TECRL: variants seen among roughly 807,000 people sequenced by gnomAD.
TECRL encodes the protein trans-2,3-enoyl-CoA reductase-like.
In TECRL, 63 loss-of-function variants were observed where a neutral mutation model predicts 52.8. The observed-to-expected ratio is 1.19, with a 90% CI of 0.97 to 1.47. The LOEUF is 1.47. Ranked by LOEUF, TECRL falls within the 40% of genes most tolerant of loss-of-function variation. TECRL has a pLI of 0.00. For synonymous variants in TECRL, 164 were observed against 141.9 expected (o/e 1.16, Z -1.10); for missense variants, 482 against 429.6 (o/e 1.12, Z -1.08).
chr4:64,388,126 TGTTTATAGTTTTAGTGTA>T (rs1419057629), intron 1 of TECRL, among the ~76,000 whole-genome samples: 22 of 151,852 alleles, frequency 1.4e-4, no homozygotes, highest in Non-Finnish European at 2.8e-4. Flanking sequence ...TCTATAGTTT[TGTTTATAGTTTTAGTGTA>T]GTTTATAGTT....
At chr4:64,399,384 A>G (rs1003102354) in intron 1 of TECRL, among the ~76,000 whole-genome samples, 1 of 152,238 alleles carries the variant, frequency 6.6e-6, no homozygotes, top group Admixed American at 6.5e-5. Context: ...GCCACACGGC[A>G]TAGAAAAAAA....
At position 64,381,101 on chromosome 4, in the gene TECRL, A is replaced by T. The variant is rs984037838; in HGVS notation, c.235-5878T>A. On this transcript the variant is annotated intron_variant, in intron 1 of 11. Transcript: ENST00000381210. ...ATCAGAGTTTTGCAGTTTTCCTTGT[A>T]AAGTTCTTTCCCCTTCCTGGTTAAA... 2.6e-5 allele frequency among the ~76,000 whole-genome samples: 4 copies of T among 152,014 alleles called. No individual in the cohort carries two copies. The East Asian group carries it at 7.7e-4, about 29-fold the overall frequency.
intron 1 of TECRL, among the ~76,000 whole-genome samples, chr4:64,383,200 T>C (rs1393328708): frequency 6.6e-6 from 1 of 152,182 alleles, no homozygotes; most frequent in Non-Finnish European, 1.5e-5. Flanking sequence ...TTTAGTATTC[T>C]CTCTGTCTTT....
At chr4:64,285,411 T>C (rs551125071) in intron 9 of TECRL, among the ~76,000 whole-genome samples, 3 of 152,240 alleles carry the variant, frequency 2.0e-5, no homozygotes, top group South Asian at 4.1e-4. Context: ...ACTTCTTTTA[T>C]ACAAATTTCT....
chr4:64,363,207 T>C (rs11131528), intron 2 of TECRL, among the ~76,000 whole-genome samples: 134,783 of 152,076 alleles, frequency 0.89, 60,690 homozygotes, highest in East Asian at 1. Flanking sequence ...TAGAGGTTTA[T>C]GAAGAGACTT....
intron 1 of TECRL, among the ~76,000 whole-genome samples, chr4:64,382,707 GGTT>G (rs1466713445): frequency 6.6e-6 from 1 of 151,784 alleles, no homozygotes; most frequent in African/African-American, 2.4e-5. Context: ...TTATATTGTA[GGTT>G]GTTATTTATA....
At chr4:64,317,138 C>T (rs377140069) in intron 4 of TECRL, among the ~76,000 whole-genome samples, 7 of 151,884 alleles carry the variant, frequency 4.6e-5, no homozygotes, top group East Asian at 1.9e-4. Context: ...ATTAGCCGGG[C>T]GTGGTGGCAG....
At chr4:64,325,173 C>T (rs1258235027) in intron 3 of TECRL, among the ~76,000 whole-genome samples, 1 of 152,120 alleles carries the variant, frequency 6.6e-6, no homozygotes, top group African/African-American at 2.4e-5. Flanking sequence ...AAGTGACAGC[C>T]AGCAAGAACA....
chr4:64,314,593 GTGTGTGT>G lies in TECRL; in HGVS notation c.551+48_551+54del, dbSNP rs1560492132. 49,138 of 263,114 alleles carry G rather than the reference GTGTGTGT, an allele frequency of 0.19. 2,470 individuals are homozygous for G. Among genetic ancestry groups the G allele is most frequent in the Non-Finnish European group, 0.2 (33,540 of 164,584 alleles). The allele number at this position is 263,114 out of a possible 1,614,324, so 16.3% of individuals were successfully genotyped here. ...TCATCCCCTCCTTAACGTGTATGGT[GTGTGTGT>G]GTGTGTGTGTGTGTGTGTGTGTGTG... On this transcript the variant is annotated intron_variant, in intron 5 of 11. Transcript: ENST00000381210.
At chr4:64,385,886 C>G (rs1008334889) in intron 1 of TECRL, among the ~76,000 whole-genome samples, 1 of 152,100 alleles carries the variant, frequency 6.6e-6, no homozygotes, top group Non-Finnish European at 1.5e-5. Context: ...GAAACTCTTG[C>G]TTACCTTTTC....
intron 4 of TECRL, among the ~76,000 whole-genome samples, chr4:64,319,084 G>A (rs1309037100): frequency 1.3e-5 from 2 of 151,710 alleles, no homozygotes; most frequent in Admixed American, 1.3e-4. Flanking sequence ...ATGTATATTA[G>A]CATTTAATAT....
intron 1 of TECRL, among the ~76,000 whole-genome samples, chr4:64,407,007 A>T (rs1724774960): frequency 8.9e-5 from 2 of 22,408 alleles, no homozygotes; most frequent in Non-Finnish European, 2.6e-4. Flanking sequence ...GTTAGAAATT[A>T]CTAAGCAAAA....
At chr4:64,335,336 C>G (rs890764990) in intron 2 of TECRL, among the ~76,000 whole-genome samples, 3 of 152,182 alleles carry the variant, frequency 2.0e-5, no homozygotes, top group African/African-American at 7.2e-5. Flanking sequence ...AGGTTGCATG[C>G]TCCTTATGAG....
At chr4:64,408,333 C>A (rs1325170168) in intron 1 of TECRL, among the ~76,000 whole-genome samples, 1 of 151,740 alleles carries the variant, frequency 6.6e-6, no homozygotes, top group African/African-American at 2.4e-5. Context: ...TATTTTATTA[C>A]CTGTACAAAT....
intron 1 of TECRL, among the ~76,000 whole-genome samples, chr4:64,387,593 G>T (rs972095217): frequency 2.0e-5 from 3 of 151,932 alleles, no homozygotes; most frequent in African/African-American, 4.8e-5. Flanking sequence ...CTGGATTTTG[G>T]TTTTTCTATA....
At chr4:64,407,940 A>C (rs1245536467) in intron 1 of TECRL, among the ~76,000 whole-genome samples, 1 of 151,612 alleles carries the variant, frequency 6.6e-6, no homozygotes, top group Non-Finnish European at 1.5e-5. Flanking sequence ...ATTTTGTATG[A>C]TATATACTCA....
chr4:64,297,659 T>C (rs1448421715), intron 8 of TECRL, among the ~76,000 whole-genome samples: 1 of 151,134 alleles, frequency 6.6e-6, no homozygotes, highest in African/African-American at 2.4e-5. Flanking sequence ...TTTGCACATA[T>C]AGTACTTATA....
chr4:64,337,454 G>A (rs1232149783), intron 2 of TECRL, among the ~76,000 whole-genome samples: 2 of 152,116 alleles, frequency 1.3e-5, no homozygotes, highest in Non-Finnish European at 2.9e-5. Flanking sequence ...AAGAAATAAA[G>A]GGTATTCAAT....
At chr4:64,329,503 A>C (rs1294522022) in intron 2 of TECRL, among the ~76,000 whole-genome samples, 2 of 151,918 alleles carry the variant, frequency 1.3e-5, no homozygotes, top group African/African-American at 2.4e-5. Context: ...AGTTCGGATG[A>C]AAAATATATG....
Sources: allele counts gnomAD v4.1 joint callset (sites outside exome capture counted in the v4.1 genomes callset), GRCh38; gene constraint gnomAD v4.1.1; transcripts MANE v1.5; gene names NCBI Gene and HGNC (gene_info 2026-07-23, HGNC 2026-07-21).